G2E3: variants seen among roughly 807,000 people sequenced by gnomAD.
The protein encoded by G2E3 is G2/M-phase specific E3 ubiquitin protein ligase.
A neutral mutation model predicts 92.8 loss-of-function variants in G2E3; 35 were observed. That is an observed-to-expected ratio of 0.38 (90% CI 0.29 to 0.50). The LOEUF is 0.50. Among genes scored for constraint, G2E3 ranks in the 20% least tolerant of loss-of-function variants. G2E3 has a pLI of 0.94. For synonymous variants in G2E3, 242 were observed against 272.4 expected (o/e 0.89, Z 1.10); for missense variants, 554 against 823.8 (o/e 0.67, Z 4.01).
rs187704988 is a variant in G2E3, at chr14:30,567,627, A to T, written c.-5+8355A>T. Among the ~76,000 whole-genome samples the T allele has an allele frequency of 6.5e-3, 986 of 151,900 alleles. 7 individuals carry two copies. Among genetic ancestry groups the T allele is most frequent in the Non-Finnish European group, 0.01 (708 of 67,894 alleles). Reference sequence around the variant, plus strand: ...TATTTTATTGATTCTCAATTTAAAAATTTTTTTATTACATTATCTGGACTC... The same window carrying T: ...TATTTTATTGATTCTCAATTTAAAATTTTTTTTATTACATTATCTGGACTC... On this transcript the variant is annotated intron_variant, in intron 1 of 14. Transcript: ENST00000206595.
chr14:30,585,048 C>G (rs901728972), intron 2 of G2E3, among the ~76,000 whole-genome samples: 3 of 152,120 alleles, frequency 2.0e-5, no homozygotes, highest in Admixed American at 6.5e-5. Context: ...GTTGGGCAGG[C>G]TGGTCTCGAA....
In G2E3 at chr14:30,586,738, CATG is replaced by C; in HGVS notation, c.63_65del (p.Asp22del). 2.2e-6 allele frequency: 3 copies of C among 1,393,664 alleles called. No individual in the cohort carries two copies. Among genetic ancestry groups the C allele is most frequent in the Non-Finnish European group, 2.0e-6 (2 of 1,017,594 alleles). 86.3% of individuals were successfully genotyped at this position (1,393,664 alleles called of 1,614,324 possible). A position where few individuals can be genotyped will look rare whatever the true frequency, so the allele number is the denominator to read the frequency against. Reference sequence around the variant, plus strand: ...GTTAGCTTGTGTTTTCTGTCGAAAACATGATGACTGTCCTAATAAATACGGAGA... The same window carrying C: ...GTTAGCTTGTGTTTTCTGTCGAAAACATGACTGTCCTAATAAATACGGAGA... On this transcript the variant is annotated inframe_deletion, in exon 3 of 15. Coordinates refer to ENST00000206595, the MANE Select transcript of G2E3 (RefSeq NM_017769.5).
intron 12 of G2E3, among the ~76,000 whole-genome samples, chr14:30,610,295 G>A (rs930654086): frequency 3.3e-5 from 5 of 152,146 alleles, no homozygotes; most frequent in Non-Finnish European, 5.9e-5. Context: ...ATGCCATCAC[G>A]TAGTAAAATG....
intron 10 of G2E3, among the ~76,000 whole-genome samples, chr14:30,605,296 G>T (rs1057477808): frequency 2.0e-5 from 3 of 152,258 alleles, no homozygotes; most frequent in Non-Finnish European, 4.4e-5. Context: ...AAAAGATTGG[G>T]GTGAGGAATC....
chr14:30,613,981 G>T (rs1882203694), intron 13 of G2E3, among the ~76,000 whole-genome samples: 3 of 151,978 alleles, frequency 2.0e-5, no homozygotes, highest in Admixed American at 6.5e-5. Flanking sequence ...TAAAAATTGA[G>T]CATAAATTGC....
chr14:30,609,723 T>C (rs1881999806), intron 12 of G2E3, among the ~76,000 whole-genome samples: 1 of 152,172 alleles, frequency 6.6e-6, no homozygotes, highest in African/African-American at 2.4e-5. Flanking sequence ...CCCAGAATTT[T>C]TTGTTTGATT....
intron 1 of G2E3, among the ~76,000 whole-genome samples, chr14:30,565,907 C>T (rs952649529): frequency 2.6e-5 from 4 of 151,986 alleles, no homozygotes; most frequent in Non-Finnish European, 2.9e-5. Flanking sequence ...CATGATCTGT[C>T]GCCTCGGCCT....
At chr14:30,569,421 A>G (rs928997372) in intron 1 of G2E3, among the ~76,000 whole-genome samples, 1 of 152,204 alleles carries the variant, frequency 6.6e-6, no homozygotes, top group Non-Finnish European at 1.5e-5. Context: ...TTCAAGTGTA[A>G]TGTTCTTTCT....
chr14:30,572,703 A>G (rs539132714), intron 1 of G2E3, among the ~76,000 whole-genome samples: 37 of 152,208 alleles, frequency 2.4e-4, no homozygotes, highest in Admixed American at 2.0e-3. Flanking sequence ...AGATAAATCC[A>G]GTTAAGATAT....
In G2E3 at chr14:30,605,664, T is replaced by A; in HGVS notation, c.1170T>A (p.Ile390=). Residue 390 remains isoleucine (I), a synonymous_variant, in exon 11 of 15, where the codon ATT becomes ATA. Transcript: ENST00000206595. ...GAAACTTTAATCCTTCATATGCAAT[T>A]GAAGTAGCATATGTTATTGAAAATG... ...RNRNFNPSYA[I]EVAYVIENDN... 1 of 1,610,754 alleles carries A rather than the reference T, an allele frequency of 6.2e-7. No individual in the cohort carries two copies. Among genetic ancestry groups the A allele is most frequent in the Non-Finnish European group, 8.5e-7 (1 of 1,177,518 alleles).
Position 30,619,329 on chromosome 14 carries a change from C to T in G2E3, c.*2795C>T, listed in dbSNP as rs963144887. On this transcript the variant is annotated 3_prime_UTR_variant, in exon 15 of 15. Transcript: ENST00000206595. ...GAACTTTTGTATTCAGTGCTAAATA[C>T]TAAGTCAAGGGGAGTATATTAGGTA... 1 of 152,014 alleles carries T rather than the reference C, an allele frequency of 6.6e-6. No individual in the cohort carries two copies. Among genetic ancestry groups the T allele is most frequent in the African/African-American group, 2.4e-5 (1 of 41,428 alleles). 9.4% of individuals were successfully genotyped at this position (152,014 alleles called of 1,614,324 possible).
chr14:30,561,834 T>C (rs1879118876), intron 1 of G2E3, among the ~76,000 whole-genome samples: 1 of 151,546 alleles, frequency 6.6e-6, no homozygotes, highest in African/African-American at 2.4e-5. Flanking sequence ...GGTTAATGAC[T>C]CAAAAAGTTG....
Position 30,620,020 on chromosome 14 carries a change from T to C in G2E3, c.*3486T>C, listed in dbSNP as rs1223160333. On this transcript the variant is annotated 3_prime_UTR_variant, in exon 15 of 15. Coordinates refer to ENST00000206595, the MANE Select transcript of G2E3 (RefSeq NM_017769.5). Reference sequence around the variant, plus strand: ...GAATCTGTGTTAAAACTATGTATCCTCTAATGTAAAATAGCTTACCAGAAT... The same window carrying C: ...GAATCTGTGTTAAAACTATGTATCCCCTAATGTAAAATAGCTTACCAGAAT... 6.6e-6 allele frequency: 1 copy of C among 152,208 alleles called. No individual in the cohort carries two copies. Among genetic ancestry groups the C allele is most frequent in the Non-Finnish European group, 1.5e-5 (1 of 68,026 alleles). 9.4% of individuals were successfully genotyped at this position (152,208 alleles called of 1,614,324 possible). A position where few individuals can be genotyped will look rare whatever the true frequency, so the allele number is the denominator to read the frequency against.
chr14:30,613,147 C>G (rs940473401), intron 13 of G2E3, among the ~76,000 whole-genome samples: 1 of 152,080 alleles, frequency 6.6e-6, no homozygotes, highest in African/African-American at 2.4e-5. Flanking sequence ...TACACTCTTA[C>G]AATTTTTTTA....
At chr14:30,584,947 T>G (rs111497035) in intron 2 of G2E3, among the ~76,000 whole-genome samples, 2,513 of 150,282 alleles carry the variant, frequency 0.017, 87 homozygotes, top group African/African-American at 0.058. Flanking sequence ...TTCTTCTTCC[T>G]CAGCCTCCCG....
At chr14:30,589,181 T>G (rs1371605098) in intron 3 of G2E3, among the ~76,000 whole-genome samples, 1 of 152,076 alleles carries the variant, frequency 6.6e-6, no homozygotes, top group Non-Finnish European at 1.5e-5. Flanking sequence ...ATATACAAAC[T>G]GATAATATAC....
chr14:30,594,082 G>A (rs1881150824), intron 6 of G2E3, among the ~76,000 whole-genome samples: 1 of 152,102 alleles, frequency 6.6e-6, no homozygotes, highest in Non-Finnish European at 1.5e-5. Context: ...TTCTTAACAG[G>A]GAGCTGATTA....
At chr14:30,575,578 C>CTTT (rs1382088047) in intron 1 of G2E3, among the ~76,000 whole-genome samples, 1 of 152,210 alleles carries the variant, frequency 6.6e-6, no homozygotes, top group Admixed American at 6.5e-5. Flanking sequence ...GGAAGTCAAA[C>CTTT]TATCTCTTTG....
intron 4 of G2E3, 130 bp downstream of exon 4, chr14:30,589,614 A>C: frequency 5.2e-6 from 3 of 579,558 alleles, no homozygotes. Flanking sequence ...TTGTCATTTA[A>C]ATATGGTAAG....
Sources: gnomAD v4.1 joint callset for allele counts (sites outside exome capture counted in the v4.1 genomes callset) on GRCh38, gnomAD v4.1.1 for gene constraint, MANE v1.5 for transcripts, NCBI Gene and HGNC (gene_info 2026-07-23, HGNC 2026-07-21) for gene names.